The following KIF17 variants were observed in gnomAD, a reference collection of about 807,000 sequenced individuals.
The protein encoded by KIF17 is kinesin family member 17.
KIF17 carries 80 observed loss-of-function variants against 96.8 expected under a neutral mutation model. The ratio of observed to expected loss-of-function variants is 0.83; its 90% CI spans 0.69 to 1.00. KIF17 has a LOEUF of 1.00. KIF17 is among the 50% of genes least tolerant of loss of function. The pLI is 0.00. For synonymous variants in KIF17, 567 were observed against 587.5 expected (o/e 0.97, Z 0.51); for missense variants, 1,280 against 1,372.9 (o/e 0.93, Z 1.07).
At chr1:20,679,001 CA>C (rs34906395) in intron 11 of KIF17, among the ~76,000 whole-genome samples, 43,270 of 86,694 alleles carry the variant, frequency 0.5, 6,643 homozygotes, top group Non-Finnish European at 0.55. Flanking sequence ...TCTTCCTTGG[CA>C]AAAAAAAAAA....
At chr1:20,677,309 T>C (rs997747967) in intron 11 of KIF17, among the ~76,000 whole-genome samples, 2 of 152,202 alleles carry the variant, frequency 1.3e-5, no homozygotes, top group Non-Finnish European at 2.9e-5. Flanking sequence ...ACAATCCTTA[T>C]GGAGGAGAAG....
chr1:20,688,331 G>A (rs1410060501), intron 7 of KIF17, among the ~76,000 whole-genome samples: 4 of 152,102 alleles, frequency 2.6e-5, no homozygotes, highest in Admixed American at 6.5e-5. Context: ...TTACAGGCAT[G>A]AGCCACCGCG....
At position 20,700,474 on chromosome 1, in the gene KIF17, T is replaced by A. The variant is rs1212472733; in HGVS notation, c.1124-1986A>T. Among the ~76,000 whole-genome samples, 1 of 152,190 alleles carries A rather than the reference T, an allele frequency of 6.6e-6. No homozygotes were observed. The highest frequency in any genetic ancestry group is 1.5e-5 in the Non-Finnish European group (1 of 68,018). On this transcript the variant is annotated intron_variant, in intron 5 of 14. Transcript: ENST00000400463. The surrounding 1 kb of genome is among the most constrained non-coding windows in gnomAD (Gnocchi z 4.6). ...CCAGGGGCGACCCCAAGTGTCTGGT[T>A]TGAACACCTGAGTTGCCTCTGTCAG...
chr1:20,680,999 G>A (rs932651228), intron 11 of KIF17, among the ~76,000 whole-genome samples: 12 of 150,890 alleles, frequency 8.0e-5, no homozygotes, highest in South Asian at 2.1e-4. Flanking sequence ...GGTGGCGGGC[G>A]CCTGTAGTCC....
intron 12 of KIF17, among the ~76,000 whole-genome samples, chr1:20,670,726 C>T (rs976748482): frequency 2.0e-5 from 3 of 152,074 alleles, no homozygotes; most frequent in Non-Finnish European, 2.9e-5. Context: ...AGACAGCAGG[C>T]GAGGGTGGGG....
Position 20,698,416 on chromosome 1 carries a change from TG to T in KIF17, c.1195del (p.Gln399SerfsTer10), listed in dbSNP as rs1293759667. ...CTGCTTCTCGGCCTCCACGTCATGC[TG>T]GATCACAGGTTGGGGCAACAGCTTC... Reference protein sequence around the residue: ...EEKLLPQPVIQHDVEAEKQLI... With the variant: ...EEKLLPQPVIXHDVEAEKQLI... On this transcript the variant is annotated frameshift_variant, in exon 6 of 15. Transcript: ENST00000400463. LOFTEE classifies it high-confidence loss of function. 2 of 1,613,804 alleles carry T rather than the reference TG, an allele frequency of 1.2e-6. No homozygotes were observed. Among genetic ancestry groups the T allele is most frequent in the African/African-American group, 2.7e-5 (2 of 74,932 alleles).
At chr1:20,702,064 G>A (rs1345549763) in intron 5 of KIF17, among the ~76,000 whole-genome samples, 1 of 152,194 alleles carries the variant, frequency 6.6e-6, no homozygotes, top group Non-Finnish European at 1.5e-5. Flanking sequence ...CATTGTCTCT[G>A]GAGCCCACCG....
At chr1:20,702,345 TG>T (rs2054252722) in intron 5 of KIF17, among the ~76,000 whole-genome samples, 1 of 152,190 alleles carries the variant, frequency 6.6e-6, no homozygotes, top group African/African-American at 2.4e-5. Flanking sequence ...ACAGCTATCC[TG>T]GGGGCTGCCT....
chr1:20,685,501 C>T lies in KIF17; in HGVS notation c.2020-481G>A, dbSNP rs377403182. Among the ~76,000 whole-genome samples the T allele has an allele frequency of 2.0e-5, 3 of 152,004 alleles. No homozygotes were observed. Among genetic ancestry groups the T allele is most frequent in the Non-Finnish European group, 4.4e-5 (3 of 67,998 alleles). On this transcript the variant is annotated intron_variant, in intron 9 of 14. Transcript: ENST00000400463. The surrounding 1 kb of genome is among the most constrained non-coding windows in gnomAD (Gnocchi z 4.1). Reference sequence around the variant, plus strand: ...ATCCCCTCTGCTTGCTGCTTCCCCCCGTCCCTCCTTCACGCCTGGGTCCCA... The same window carrying T: ...ATCCCCTCTGCTTGCTGCTTCCCCCTGTCCCTCCTTCACGCCTGGGTCCCA...
At chr1:20,663,691 T>C (rs2053475791), downstream of KIF17, among the ~76,000 whole-genome samples, 1 of 152,160 alleles carries the variant, frequency 6.6e-6, no homozygotes, top group Non-Finnish European at 1.5e-5. Flanking sequence ...CTGGATTCAT[T>C]TCTGGCTATA....
At position 20,717,498 on chromosome 1, in the gene KIF17, T is replaced by A; in HGVS notation, c.209A>T (p.Glu70Val). Residue 70 changes from glutamate (E) to valine (V), a missense_variant, in exon 1 of 15, where the codon GAG becomes GTG. By Grantham distance (121) the Glu-to-Val change is moderately radical. Transcript: ENST00000400463. Reference protein sequence around the residue: ...VDHVTEQIYNEIAYPLVEGVT... With the variant: ...VDHVTEQIYNVIAYPLVEGVT... ...CACCTCCACCAGCGGATAGGCGATCTCGTTGTAGATCTGCTCGGTGACGTG... is the reference window on the plus strand; with the variant it reads ...CACCTCCACCAGCGGATAGGCGATCACGTTGTAGATCTGCTCGGTGACGTG... 1.2e-6 allele frequency: 2 copies of A among 1,611,474 alleles called. No individual in the cohort carries two copies. The highest frequency in any genetic ancestry group is 1.7e-6 in the Non-Finnish European group (2 of 1,179,558).
intron 11 of KIF17, among the ~76,000 whole-genome samples, chr1:20,674,238 T>C (rs544200893): frequency 1.3e-5 from 2 of 152,312 alleles, no homozygotes; most frequent in South Asian, 4.1e-4. Context: ...ACGATAATTT[T>C]TGTGACAGTT....
rs781137040 is a variant in KIF17, at chr1:20,671,948, G to A, written c.2712C>T (p.Ser904=). Residue 904 remains serine (S), a synonymous_variant, in exon 12 of 15, where the codon AGC becomes AGT. Coordinates refer to ENST00000400463, the MANE Select transcript of KIF17 (RefSeq NM_001122819.3). ...KIPHPVITKT[S]LPVVSTGPQN... ...AGCCAAGCTCCTGACCTACTGGGAG[G>A]CTGGTTTTTGTGATGACGGGATGTG... 4 of 1,613,490 alleles carry A rather than the reference G, an allele frequency of 2.5e-6. No homozygotes were observed. Among genetic ancestry groups the A allele is most frequent in the Non-Finnish European group, 3.4e-6 (4 of 1,180,006 alleles).
chr1:20,698,846 A>G (rs1395198005), intron 5 of KIF17, among the ~76,000 whole-genome samples: 1 of 152,214 alleles, frequency 6.6e-6, no homozygotes, highest in African/African-American at 2.4e-5. Flanking sequence ...ATCAAAATAA[A>G]TAAGCAAAAT....
chr1:20,684,807 A>G lies in KIF17; in HGVS notation c.2231+2T>C. 6.4e-7 allele frequency: 1 copy of G among 1,570,934 alleles called. No homozygotes were observed. Among genetic ancestry groups the G allele is most frequent in the Non-Finnish European group, 8.6e-7 (1 of 1,158,550 alleles). On this transcript the variant is annotated splice_donor_variant, in intron 10 of 14. Coordinates refer to ENST00000400463, the MANE Select transcript of KIF17 (RefSeq NM_001122819.3). LOFTEE classifies it high-confidence loss of function. The stretch of plus-strand genomic sequence containing the variant: ...CCGCCAGCCCCATGCTCTGCTGCTT[A>G]CCGGGCCAGCACCTGCTGCTGGTCC...
chr1:20,662,110 C>T (rs1340124109), downstream of KIF17, among the ~76,000 whole-genome samples: 1 of 152,258 alleles, frequency 6.6e-6, no homozygotes, highest in South Asian at 2.1e-4. Context: ...GGTCCAGCTC[C>T]GCTGTTTATC....
rs1226267692 is a variant in KIF17, at chr1:20,685,629, T to C, written c.2019+417A>G. Among the ~76,000 whole-genome samples, 8 of 152,126 alleles carry C rather than the reference T, an allele frequency of 5.3e-5. No homozygotes were observed. Among genetic ancestry groups the C allele is most frequent in the Non-Finnish European group, 1.2e-4 (8 of 68,030 alleles). On this transcript the variant is annotated intron_variant, in intron 9 of 14. Transcript: ENST00000400463. The surrounding 1 kb of genome is among the most constrained non-coding windows in gnomAD (Gnocchi z 4.1). ...GCCCAGCCCACACTTGAGTCCAAAC[T>C]GTCTTCTTCCTCTATAAATGTAGGG...
chr1:20,699,733 G>A lies in KIF17; in HGVS notation c.1124-1245C>T, dbSNP rs1177226267. Among the ~76,000 whole-genome samples, 2 of 149,538 alleles carry A rather than the reference G, an allele frequency of 1.3e-5. No homozygotes were observed. Among genetic ancestry groups the A allele is most frequent in the Admixed American group, 6.6e-5 (1 of 15,168 alleles). On this transcript the variant is annotated intron_variant, in intron 5 of 14. Coordinates refer to ENST00000400463, the MANE Select transcript of KIF17 (RefSeq NM_001122819.3). This position sits in a 1 kb window ranked among gnomAD's most constrained non-coding sequence, Gnocchi z 4.3. ...GCGGTGAGTGCGAGGGCCCTGAGGC[G>A]GTTGTGAGACTGCACTGTTCCTGGC...
At chr1:20,698,529 C>T (rs2054182377) in intron 5 of KIF17, 41 bp from the exon 6 acceptor site, 2 of 1,325,088 alleles carry the variant, frequency 1.5e-6, no homozygotes, top group Non-Finnish European at 2.2e-6. Flanking sequence ...ATGAGGGGCA[C>T]ATTGTGTGCA....
Sources: gnomAD v4.1 joint callset for allele counts (sites outside exome capture counted in the v4.1 genomes callset) on GRCh38, gnomAD v4.1.1 for gene constraint, Gnocchi (gnomAD v3.1) non-coding constraint, MANE v1.5 for transcripts, NCBI Gene and HGNC (gene_info 2026-07-23, HGNC 2026-07-21) for gene names.